The following DLG2 variants were observed in gnomAD, a reference collection of about 807,000 sequenced individuals.
The protein encoded by DLG2 is disks large homolog 2.
DLG2 carries 45 observed loss-of-function variants against 132.5 expected under a neutral mutation model. The observed-to-expected ratio is 0.34, with a 90% CI of 0.27 to 0.44. The LOEUF (loss-of-function observed/expected upper bound fraction) is 0.44. Among genes scored for constraint, DLG2 ranks in the 20% least tolerant of loss-of-function variants. DLG2 has a pLI of 1.00. For missense variants in DLG2, 1,045 were observed against 1,196.9 expected, an observed-to-expected ratio of 0.87 and a Z score of 1.87; for synonymous variants, 424 against 419.6, an observed-to-expected ratio of 1.01 and a Z score of -0.13.
chr11:84,046,995 C>T (rs77085256), intron 11 of DLG2, among the ~76,000 whole-genome samples: 69 of 151,618 alleles, frequency 4.6e-4, no homozygotes, highest in Non-Finnish European at 9.2e-4. Context: ...TATTGGATCT[C>T]AGTGTTCCAT....
intron 6 of DLG2, among the ~76,000 whole-genome samples, chr11:84,997,019 G>C (rs1364370539): frequency 6.6e-6 from 1 of 152,158 alleles, no homozygotes; most frequent in Non-Finnish European, 1.5e-5. Flanking sequence ...AGAAGGGGTA[G>C]TGAGAGTAGT....
At chr11:83,938,946 C>T (rs2082065953) in intron 14 of DLG2, among the ~76,000 whole-genome samples, 1 of 152,096 alleles carries the variant, frequency 6.6e-6, no homozygotes, top group African/African-American at 2.4e-5. Context: ...CCACTTTGAC[C>T]TCTAATTTAT....
At chr11:84,044,538 A>T (rs2096194335) in intron 11 of DLG2, among the ~76,000 whole-genome samples, 1 of 151,694 alleles carries the variant, frequency 6.6e-6, no homozygotes, top group Non-Finnish European at 1.5e-5. Context: ...AGGGTGTTGG[A>T]AGAGATCTCG....
At chr11:85,486,136 C>T (rs1312169536) in intron 3 of DLG2, among the ~76,000 whole-genome samples, 1 of 150,226 alleles carries the variant, frequency 6.7e-6, no homozygotes, top group East Asian at 2.0e-4. Flanking sequence ...AGGTCTGCAC[C>T]CTACCCTTGA....
chr11:84,507,150 A>G (rs186908647), intron 7 of DLG2, among the ~76,000 whole-genome samples: 145 of 152,324 alleles, frequency 9.5e-4, no homozygotes, highest in African/African-American at 3.4e-3. Flanking sequence ...ATCGTCAATG[A>G]ATATTCATAG....
intron 6 of DLG2, among the ~76,000 whole-genome samples, chr11:84,641,527 G>T (rs1221789817): frequency 6.6e-6 from 1 of 152,040 alleles, no homozygotes; most frequent in Non-Finnish European, 1.5e-5. Context: ...CATGTTTCCG[G>T]GAGAGTCAGC....
Position 85,598,690 on chromosome 11 carries a change from T to A in DLG2, c.7A>T (p.Ile3Phe), listed in dbSNP as rs770524549. 4 of 1,580,246 alleles carry A rather than the reference T, an allele frequency of 2.5e-6. No homozygotes were observed. The highest frequency in any genetic ancestry group is 1.8e-5 in the Admixed American group (1 of 54,384). Reference protein sequence around the residue: MGIFKSSLFQALL... With the variant: MGFFKSSLFQALL... ...GCTTGGAATAAGCTGCTCTTAAAGA[T>A]ACCCATCACCTTTTTAACCGCATTT... The change falls in exon 3 of 28, where the codon ATC (isoleucine) becomes TTC (phenylalanine). Residue 3 changes from isoleucine to phenylalanine, a missense_variant. Coordinates refer to ENST00000376104, the MANE Select transcript of DLG2 (RefSeq NM_001142699.3).
chr11:84,812,938 T>C (rs2076719980), intron 6 of DLG2, among the ~76,000 whole-genome samples: 1 of 152,122 alleles, frequency 6.6e-6, no homozygotes, highest in Non-Finnish European at 1.5e-5. Flanking sequence ...TGCCTCATAC[T>C]ACAAGGCTGG....
chr11:84,570,538 T>C lies in DLG2; in HGVS notation c.358-35807A>G, dbSNP rs148777139. Among the ~76,000 whole-genome samples the C allele has an allele frequency of 2.6e-5, 4 of 152,286 alleles. No individual in the cohort carries two copies. The East Asian group carries it at 7.7e-4, about 29-fold the overall frequency. ...TGCCTGGCACATAGTAGGTGTTGCA[T>C]AGTAAGTACCATCTGGTATAGAGTC... On this transcript the variant is annotated intron_variant, in intron 6 of 27. Coordinates refer to ENST00000376104, the MANE Select transcript of DLG2 (RefSeq NM_001142699.3).
At chr11:83,923,973 A>G (rs1195268753) in intron 15 of DLG2, among the ~76,000 whole-genome samples, 1 of 151,968 alleles carries the variant, frequency 6.6e-6, no homozygotes, top group African/African-American at 2.4e-5. Flanking sequence ...TTTTTCTCCA[A>G]CCTTATCACC....
intron 6 of DLG2, among the ~76,000 whole-genome samples, chr11:85,090,812 T>TA (rs1318750113): frequency 6.6e-6 from 1 of 152,224 alleles, no homozygotes; most frequent in Non-Finnish European, 1.5e-5. Context: ...GTTACAAAGA[T>TA]ACCTGACACT....
At chr11:85,020,930 C>G (rs2060006812) in intron 6 of DLG2, 1 of 772,178 alleles carries the variant, frequency 1.3e-6, no homozygotes, top group Non-Finnish European at 2.4e-6. Flanking sequence ...CTGCACCGCC[C>G]TCAGACTCCA....
intron 3 of DLG2, among the ~76,000 whole-genome samples, chr11:85,483,909 GAAT>G (rs1344006174): frequency 8.0e-4 from 113 of 142,018 alleles, no homozygotes; most frequent in African/African-American, 2.9e-3. Flanking sequence ...AAAAAAAAAA[GAAT>G]AATAATAGCT....
At chr11:83,791,241 C>T (rs1468896213) in intron 17 of DLG2, 12 of 655,466 alleles carry the variant, frequency 1.8e-5, no homozygotes, top group Non-Finnish European at 3.3e-5. Flanking sequence ...TAAAGACTAT[C>T]GGTGCTGAGG....
intron 6 of DLG2, among the ~76,000 whole-genome samples, chr11:84,962,255 C>T (rs2052686128): frequency 6.6e-6 from 1 of 152,172 alleles, no homozygotes; most frequent in Non-Finnish European, 1.5e-5. Flanking sequence ...CCAGATTAAA[C>T]ACGTAGTAGA....
At chr11:83,880,335 T>C (rs1348719480) in intron 15 of DLG2, among the ~76,000 whole-genome samples, 2 of 152,276 alleles carry the variant, frequency 1.3e-5, no homozygotes, top group Non-Finnish European at 2.9e-5. Flanking sequence ...GGGTGAAGAA[T>C]ATTAATAAAT....
At chr11:84,078,163 A>G (rs993752488) in intron 10 of DLG2, among the ~76,000 whole-genome samples, 2 of 152,168 alleles carry the variant, frequency 1.3e-5, no homozygotes, top group African/African-American at 4.8e-5. Context: ...CCATAGATTA[A>G]TATGAATTAA....
At position 84,630,929 on chromosome 11, in the gene DLG2, A is replaced by G. The variant is rs147879579; in HGVS notation, c.358-96198T>C. On this transcript the variant is annotated intron_variant, in intron 6 of 27. Coordinates refer to ENST00000376104, the MANE Select transcript of DLG2 (RefSeq NM_001142699.3). Reference sequence around the variant, plus strand: ...ATTTGTTTGGTTTGTCTGTTTCAGGAAATATGACGCCAATTCTATGAACTT... The same window carrying G: ...ATTTGTTTGGTTTGTCTGTTTCAGGGAATATGACGCCAATTCTATGAACTT... Among the ~76,000 whole-genome samples the G allele has an allele frequency of 2.6e-5, 4 of 151,188 alleles. No individual in the cohort carries two copies. The East Asian group carries it at 7.8e-4, about 30-fold the overall frequency.
At chr11:83,479,025 G>A (rs2092867000) in intron 22 of DLG2, among the ~76,000 whole-genome samples, 1 of 151,964 alleles carries the variant, frequency 6.6e-6, no homozygotes, top group Non-Finnish European at 1.5e-5. Flanking sequence ...TTACCGTGTT[G>A]ATAACAAGAA....
Sources: allele counts gnomAD v4.1 joint callset (sites outside exome capture counted in the v4.1 genomes callset), GRCh38; gene constraint gnomAD v4.1.1; transcripts MANE v1.5; gene names NCBI Gene and HGNC (gene_info 2026-07-23, HGNC 2026-07-21).